The following KIF13B variants were observed in gnomAD, a reference collection of about 807,000 sequenced individuals.
The protein encoded by KIF13B is kinesin family member 13B, also known as kinesin-like protein KIF13B.
A neutral mutation model predicts 222.0 loss-of-function variants in KIF13B; 127 were observed. That is an observed-to-expected ratio of 0.57 (90% CI 0.50 to 0.66). KIF13B has a LOEUF of 0.66. KIF13B is among the 30% of genes least tolerant of loss of function. The probability of loss-of-function intolerance (pLI) is 0.00; values close to 1 mark genes in which losing one functional copy is unlikely to be tolerated. For synonymous variants in KIF13B, 976 were observed against 919.0 expected, an observed-to-expected ratio of 1.06 and a Z score of -1.12; for missense variants, 2,173 against 2,379.0, an observed-to-expected ratio of 0.91 and a Z score of 1.80.
At chr8:29,134,019 T>C (rs368632765) in intron 22 of KIF13B, 21 bp downstream of exon 22, 3 of 1,605,246 alleles carry the variant, frequency 1.9e-6, no homozygotes, top group African/African-American at 1.3e-5. Context: ...AATGCTGACC[T>C]ACTCTGGAAA....
chr8:29,221,985 T>A (rs1814773160), intron 2 of KIF13B, among the ~76,000 whole-genome samples: 1 of 152,158 alleles, frequency 6.6e-6, no homozygotes. Context: ...CTATTCCACA[T>A]TCCCCAAAGA....
At chr8:29,158,052 C>T (rs565550758) in intron 13 of KIF13B, among the ~76,000 whole-genome samples, 3 of 152,152 alleles carry the variant, frequency 2.0e-5, no homozygotes, top group Admixed American at 6.5e-5. Flanking sequence ...CATCCTACTG[C>T]CTTTTACTAG....
chr8:29,113,277 A>G (rs1035026453), intron 32 of KIF13B, among the ~76,000 whole-genome samples, 186 bp downstream of exon 32: 1 of 152,234 alleles, frequency 6.6e-6, no homozygotes, highest in African/African-American at 2.4e-5. Flanking sequence ...AAATACTAAA[A>G]CTAGAACTTT....
rs949446566 is a variant in KIF13B at position 29,134,293 on chromosome 8, G to A, written c.2614-83C>T. The stretch of plus-strand genomic sequence containing the variant: ...AGTTGCAGGTTCCAGCCCCGGCTCT[G>A]TCACTAACTTAGGTGCTTATGATAT... On this transcript the variant is annotated intron_variant, in intron 21 of 39. Coordinates refer to ENST00000524189, the MANE Select transcript of KIF13B (RefSeq NM_015254.4). 4 of 1,314,638 alleles carry A rather than the reference G, an allele frequency of 3.0e-6. No homozygotes were observed. In the Admixed American group the frequency reaches 5.9e-5, roughly 19 times the overall value. 81.4% of individuals were successfully genotyped at this position (1,314,638 alleles called of 1,614,324 possible).
At chr8:29,253,500 G>A (rs1816356016) in intron 1 of KIF13B, among the ~76,000 whole-genome samples, 1 of 152,080 alleles carries the variant, frequency 6.6e-6, no homozygotes. Flanking sequence ...AGGTCATAGT[G>A]AGCTATGATC....
At chr8:29,146,669 G>T in intron 17 of KIF13B, 129 bp from the exon 18 acceptor site, 2 of 775,156 alleles carry the variant, frequency 2.6e-6, no homozygotes, top group Non-Finnish European at 4.1e-6. Context: ...TCGTCTGCAC[G>T]CAGGGACTGT....
chr8:29,183,940 C>T (rs1202740155), intron 6 of KIF13B, among the ~76,000 whole-genome samples: 1 of 152,096 alleles, frequency 6.6e-6, no homozygotes, highest in African/African-American at 2.4e-5. Context: ...GAGGATAGTT[C>T]TAGAATAACC....
chr8:29,241,706 GAAA>G (rs75531371), intron 2 of KIF13B, among the ~76,000 whole-genome samples: 25,780 of 96,404 alleles, frequency 0.27, 3,188 homozygotes, highest in East Asian at 0.59. Context: ...GCAAGGGAGG[GAAA>G]AAAAAAAAAA....
chr8:29,163,617 G>A (rs1264486930), intron 12 of KIF13B, among the ~76,000 whole-genome samples: 1 of 152,182 alleles, frequency 6.6e-6, no homozygotes. Flanking sequence ...GTTTGGATTA[G>A]GAAGAAGTAA....
At chr8:29,220,858 C>T (rs1466050227) in intron 2 of KIF13B, among the ~76,000 whole-genome samples, 2 of 152,146 alleles carry the variant, frequency 1.3e-5, no homozygotes, top group African/African-American at 4.8e-5. Flanking sequence ...CCCAGAAAAT[C>T]TCAGTACTTT....
In KIF13B at chr8:29,084,195, C is replaced by T. The variant is rs142929056; in HGVS notation, c.4458+8550G>A. Reference sequence around the variant, plus strand: ...CCTCCCAAAGTGCTGGGATTACAAGCGTGAGCCACCGCACCCGACCGTGTT... The same window carrying T: ...CCTCCCAAAGTGCTGGGATTACAAGTGTGAGCCACCGCACCCGACCGTGTT... On this transcript the variant is annotated intron_variant, in intron 37 of 39. Coordinates refer to ENST00000524189, the MANE Select transcript of KIF13B (RefSeq NM_015254.4). 2.8e-3 allele frequency among the ~76,000 whole-genome samples: 430 copies of T among 152,256 alleles called. 2 individuals carry two copies. Among genetic ancestry groups the T allele is most frequent in the Non-Finnish European group, 5.3e-3 (360 of 68,002 alleles).
chr8:29,140,357 A>C, intron 20 of KIF13B, 111 bp downstream of exon 20: 1 of 1,384,236 alleles, frequency 7.2e-7, no homozygotes, highest in Non-Finnish European at 9.8e-7. Context: ...TGGAAACACA[A>C]GGTATTAATA....
At chr8:29,120,162 G>C (rs1809790690) in intron 29 of KIF13B, among the ~76,000 whole-genome samples, 1 of 121,912 alleles carries the variant, frequency 8.2e-6, no homozygotes, top group Admixed American at 9.7e-5. Context: ...ACAGAAAAAT[G>C]ACAGTTTTTT....
At chr8:29,219,230 T>A (rs1814629704) in intron 2 of KIF13B, 1 of 152,292 alleles carries the variant, frequency 6.6e-6, no homozygotes, top group Non-Finnish European at 1.5e-5. Context: ...GCACTGGCGA[T>A]GTTGGAAAGA....
intron 31 of KIF13B, 57 bp from the exon 32 acceptor site, chr8:29,113,612 T>C (rs1809458179): frequency 9.7e-7 from 1 of 1,030,806 alleles, no homozygotes; most frequent in Admixed American, 2.2e-5. Context: ...GAGTTTACAT[T>C]AACAAAAGAC....
At chr8:29,146,773 A>G (rs1472268005) in intron 17 of KIF13B, among the ~76,000 whole-genome samples, 1 of 152,220 alleles carries the variant, frequency 6.6e-6, no homozygotes, top group Admixed American at 6.5e-5. Context: ...AGATAACAGC[A>G]GTGCCCCTGT....
chr8:29,137,179 A>G lies in KIF13B; in HGVS notation c.2613+2884T>C, dbSNP rs185822287. Among the ~76,000 whole-genome samples, 133 of 149,666 alleles carry G rather than the reference A, an allele frequency of 8.9e-4. 1 individual carries two copies. The highest frequency in any genetic ancestry group is 3.1e-3 in the African/African-American group (121 of 39,104). On this transcript the variant is annotated intron_variant, in intron 21 of 39. Coordinates refer to ENST00000524189, the MANE Select transcript of KIF13B (RefSeq NM_015254.4). Reference sequence around the variant, plus strand: ...TTCCATCTGAAAACCTTTTTTTACCATTCAAAATTAATCACAATTTTAATG... The same window carrying G: ...TTCCATCTGAAAACCTTTTTTTACCGTTCAAAATTAATCACAATTTTAATG...
chr8:29,212,093 T>C (rs1814253612), intron 2 of KIF13B, among the ~76,000 whole-genome samples: 1 of 152,226 alleles, frequency 6.6e-6, no homozygotes, highest in Admixed American at 6.5e-5. Context: ...TGATAGGCAT[T>C]TGGGCTGTTT....
chr8:29,098,649 C>CGA (rs34545873), intron 36 of KIF13B, among the ~76,000 whole-genome samples: 1 of 150,952 alleles, frequency 6.6e-6, no homozygotes, highest in African/African-American at 2.4e-5. Flanking sequence ...AAAATCTCCC[C>CGA]ACAAAGAGGA....
Sources: gnomAD v4.1 joint callset for allele counts (sites outside exome capture counted in the v4.1 genomes callset) on GRCh38, gnomAD v4.1.1 for gene constraint, MANE v1.5 for transcripts, NCBI Gene and HGNC (gene_info 2026-07-23, HGNC 2026-07-21) for gene names.